The following TTLL7 variants were observed in gnomAD, a reference collection of about 807,000 sequenced individuals.
The protein encoded by TTLL7 is tubulin tyrosine ligase like 7.
TTLL7 carries 53 observed loss-of-function variants against 120.2 expected under a neutral mutation model. The ratio of observed to expected loss-of-function variants is 0.44; its 90% CI spans 0.35 to 0.55. The LOEUF (loss-of-function observed/expected upper bound fraction) is 0.55, where lower values mean the gene tolerates loss of function less well. Ranked by LOEUF, TTLL7 falls within the 20% of genes least tolerant of loss-of-function variation. The pLI is 0.00. For missense variants in TTLL7, 803 were observed against 1,054.7 expected, an observed-to-expected ratio of 0.76 and a Z score of 3.31; for synonymous variants, 353 against 351.7, an observed-to-expected ratio of 1.00 and a Z score of -0.04.
intron 10 of TTLL7, among the ~76,000 whole-genome samples, chr1:83,921,789 G>A (rs530431906): frequency 2.0e-4 from 30 of 152,090 alleles, no homozygotes; most frequent in African/African-American, 7.2e-4. Context: ...TTAATTTGTG[G>A]TAACATTAAT....
intron 10 of TTLL7, among the ~76,000 whole-genome samples, chr1:83,926,777 AT>A (rs1443602344): frequency 2.6e-5 from 4 of 152,212 alleles, no homozygotes; most frequent in African/African-American, 9.7e-5. Flanking sequence ...ATTAACAAGT[AT>A]TTCAGACCCA....
At chr1:83,994,233 T>A (rs1389321032) in intron 1 of TTLL7, among the ~76,000 whole-genome samples, 1 of 152,214 alleles carries the variant, frequency 6.6e-6, no homozygotes, top group Non-Finnish European at 1.5e-5. Flanking sequence ...ACTGATGGCA[T>A]AGTATAAGAA....
At chr1:83,901,907 G>A (rs1656755315) in intron 18 of TTLL7, 1 of 151,900 alleles carries the variant, frequency 6.6e-6, no homozygotes, top group African/African-American at 2.4e-5. Flanking sequence ...TACTAAAATA[G>A]TCTATCTCCC....
intron 18 of TTLL7, among the ~76,000 whole-genome samples, chr1:83,893,635 T>A (rs941392846): frequency 2.6e-5 from 4 of 152,118 alleles, no homozygotes; most frequent in Non-Finnish European, 4.4e-5. Context: ...AAAGAAATGA[T>A]GTTTGTTATC....
intron 17 of TTLL7, 38 bp from the exon 18 acceptor site, chr1:83,904,197 G>T (rs2100757433): frequency 1.3e-6 from 2 of 1,496,604 alleles, no homozygotes; most frequent in Middle Eastern, 3.5e-4. Flanking sequence ...TTTACAGGTT[G>T]AAACCCATTT....
chr1:83,874,687 C>T (rs1205775445), intron 20 of TTLL7, among the ~76,000 whole-genome samples: 2 of 152,104 alleles, frequency 1.3e-5, no homozygotes, highest in East Asian at 3.9e-4. Flanking sequence ...TGGATGTGCA[C>T]TAAATCCTGT....
intron 6 of TTLL7, among the ~76,000 whole-genome samples, chr1:83,943,626 G>A (rs771656905): frequency 6.6e-6 from 1 of 152,212 alleles, no homozygotes; most frequent in African/African-American, 2.4e-5. Flanking sequence ...AAAGAACACA[G>A]ACTACAACTA....
chr1:83,877,281 A>G (rs921275875), intron 20 of TTLL7, among the ~76,000 whole-genome samples: 1 of 151,930 alleles, frequency 6.6e-6, no homozygotes, highest in Non-Finnish European at 1.5e-5. Flanking sequence ...CATCTTCCTA[A>G]TATTTGGTTT....
chr1:83,958,130 T>C (rs1324144299), intron 1 of TTLL7, among the ~76,000 whole-genome samples: 1 of 152,178 alleles, frequency 6.6e-6, no homozygotes, highest in East Asian at 1.9e-4. Context: ...AAACATCCTA[T>C]GTGCCAGGCA....
At chr1:83,948,507 A>C in intron 5 of TTLL7, 121 bp downstream of exon 5, 6 of 643,062 alleles carry the variant, frequency 9.3e-6, no homozygotes, top group Non-Finnish European at 1.0e-5. Flanking sequence ...TAGCTCCAAA[A>C]TTCTATCACT....
chr1:83,882,837 T>A, intron 20 of TTLL7, 126 bp downstream of exon 20: 1 of 1,047,372 alleles, frequency 9.5e-7, no homozygotes, highest in Non-Finnish European at 1.4e-6. Flanking sequence ...GATAATAGCA[T>A]GTATGAACTT....
chr1:83,943,766 T>C (rs1249883343), intron 6 of TTLL7, among the ~76,000 whole-genome samples: 3 of 152,156 alleles, frequency 2.0e-5, no homozygotes, highest in African/African-American at 7.2e-5. Flanking sequence ...AAAGAAAGTA[T>C]AGCCCAAATA....
At chr1:83,890,680 G>A (rs1430691386) in intron 18 of TTLL7, among the ~76,000 whole-genome samples, 199 bp from the exon 19 acceptor site, 3 of 150,892 alleles carry the variant, frequency 2.0e-5, no homozygotes, top group East Asian at 3.9e-4. Flanking sequence ...TGGCTAAGAT[G>A]TGAAGACTGC....
chr1:83,883,768 G>A (rs963850706), intron 19 of TTLL7, among the ~76,000 whole-genome samples: 1 of 151,962 alleles, frequency 6.6e-6, no homozygotes, highest in South Asian at 2.1e-4. Flanking sequence ...CTAAAAAGTT[G>A]CTGAAACAAT....
rs1656240284 is a variant in TTLL7 at position 83,896,556 on chromosome 1, A to G, written c.2209-6075T>C. Among the ~76,000 whole-genome samples the G allele has an allele frequency of 2.6e-5, 4 of 152,224 alleles. No individual in the cohort carries two copies. In the East Asian group the frequency reaches 7.7e-4, roughly 29 times the overall value. ...TGATGCATGCAGCAGCGATGGCTAT[A>G]GGGTAAAGGCATCTTTGCTGATGCA... On this transcript the variant is annotated intron_variant, in intron 18 of 20. Coordinates refer to ENST00000260505, the MANE Select transcript of TTLL7 (RefSeq NM_024686.6).
chr1:83,883,900 A>G (rs1571047034), intron 19 of TTLL7, among the ~76,000 whole-genome samples: 1 of 151,986 alleles, frequency 6.6e-6, no homozygotes, highest in East Asian at 1.9e-4. Context: ...GTGTGCTAGA[A>G]GTAATGCTAT....
At chr1:83,878,394 T>C (rs1307866363) in intron 20 of TTLL7, among the ~76,000 whole-genome samples, 1 of 151,946 alleles carries the variant, frequency 6.6e-6, no homozygotes, top group Non-Finnish European at 1.5e-5. Context: ...TGGTTGTAAA[T>C]TTATTTCCTT....
At chr1:83,922,979 T>C (rs1658811692) in intron 10 of TTLL7, among the ~76,000 whole-genome samples, 1 of 150,668 alleles carries the variant, frequency 6.6e-6, no homozygotes, top group Non-Finnish European at 1.5e-5. Context: ...TGGTGACTAA[T>C]TCAATATGAA....
At chr1:83,922,411 G>A (rs1444370445) in intron 10 of TTLL7, among the ~76,000 whole-genome samples, 1 of 152,104 alleles carries the variant, frequency 6.6e-6, no homozygotes, top group Non-Finnish European at 1.5e-5. Context: ...AATTCATCAT[G>A]AGATTGCATG....
Sources: allele counts gnomAD v4.1 joint callset (sites outside exome capture counted in the v4.1 genomes callset), GRCh38; gene constraint gnomAD v4.1.1; transcripts MANE v1.5; gene names NCBI Gene and HGNC (gene_info 2026-07-23, HGNC 2026-07-21).